ADAMTS18: variants seen among roughly 807,000 people sequenced by gnomAD.
The protein encoded by ADAMTS18 is ADAM metallopeptidase with thrombospondin type 1 motif 18, also known as A disintegrin and metalloproteinase with thrombospondin motifs 18.
In ADAMTS18, 157 loss-of-function variants were observed where a neutral mutation model predicts 165.9. The ratio of observed to expected loss-of-function variants is 0.95; its 90% CI spans 0.83 to 1.08. The LOEUF (loss-of-function observed/expected upper bound fraction) is 1.08, where lower values mean the gene tolerates loss of function less well. ADAMTS18 is among the 50% of genes least tolerant of loss of function. The pLI, the probability that ADAMTS18 is intolerant of heterozygous loss-of-function variation, is 0.00. For missense variants in ADAMTS18, 2,040 were observed against 1,534.0 expected, an observed-to-expected ratio of 1.33 and a Z score of -5.51; for synonymous variants, 782 against 578.2, an observed-to-expected ratio of 1.35 and a Z score of -5.06.
chr16:77,409,478 T>C (rs1025838201), intron 3 of ADAMTS18, among the ~76,000 whole-genome samples: 2 of 152,148 alleles, frequency 1.3e-5, no homozygotes, highest in African/African-American at 4.8e-5. Flanking sequence ...TAAGCTGATA[T>C]GACAGGATAA....
intron 16 of ADAMTS18, among the ~76,000 whole-genome samples, chr16:77,307,737 T>G (rs1168870261): frequency 6.6e-6 from 1 of 152,206 alleles, no homozygotes; most frequent in African/African-American, 2.4e-5. Context: ...GTCTTGTGTC[T>G]TCACTCAGTC....
intron 16 of ADAMTS18, among the ~76,000 whole-genome samples, chr16:77,305,874 C>A (rs1597100734): frequency 6.6e-6 from 1 of 152,296 alleles, no homozygotes; most frequent in East Asian, 1.9e-4. Flanking sequence ...ACATCTTGGG[C>A]AATATGTAAC....
At chr16:77,369,756 C>T (rs2056849943) in intron 3 of ADAMTS18, among the ~76,000 whole-genome samples, 1 of 152,146 alleles carries the variant, frequency 6.6e-6, no homozygotes, top group South Asian at 2.1e-4. Context: ...TGGCCTGCAT[C>T]ACCCTGATAC....
chr16:77,431,853 G>A (rs1182193582), intron 2 of ADAMTS18: 4 of 561,824 alleles, frequency 7.1e-6, no homozygotes, highest in South Asian at 4.1e-5. Context: ...GAATTTCATG[G>A]ATGTCTGTGG....
At position 77,402,183 on chromosome 16, in the gene ADAMTS18, G is replaced by A. The variant is rs560976508; in HGVS notation, c.495+29112C>T. On this transcript the variant is annotated intron_variant, in intron 3 of 22. Transcript: ENST00000282849. ...ATACACTCGGTCTCCTTCTAGAACC[G>A]TTGCAAACACACAGGTATACAAAGA... is the stretch of plus-strand genomic sequence containing the variant. 3.8e-4 allele frequency among the ~76,000 whole-genome samples: 58 copies of A among 152,252 alleles called. 1 individual carries two copies. In the South Asian group the frequency reaches 0.01, roughly 27 times the overall value.
At chr16:77,313,483 GT>G (rs1445437016) in intron 16 of ADAMTS18, among the ~76,000 whole-genome samples, 2 of 108,916 alleles carry the variant, frequency 1.8e-5, no homozygotes, top group African/African-American at 7.0e-5. Flanking sequence ...ATGACTCAAG[GT>G]TTAAAAAAAA....
chr16:77,386,270 C>T (rs2144780645), intron 3 of ADAMTS18, among the ~76,000 whole-genome samples: 1 of 152,300 alleles, frequency 6.6e-6, no homozygotes, highest in East Asian at 1.9e-4. Flanking sequence ...GGCTGACCAC[C>T]AGGCTTAAAG....
At chr16:77,284,892 T>C (rs2055218352) in intron 22 of ADAMTS18, among the ~76,000 whole-genome samples, 1 of 151,792 alleles carries the variant, frequency 6.6e-6, no homozygotes, top group Admixed American at 6.6e-5. Flanking sequence ...GTATTGGGAG[T>C]CAAGCCACCT....
intron 3 of ADAMTS18, among the ~76,000 whole-genome samples, chr16:77,424,667 T>C (rs2057648935): frequency 6.6e-6 from 1 of 152,148 alleles, no homozygotes; most frequent in Admixed American, 6.5e-5. Flanking sequence ...TCACAAATCA[T>C]GTCTGAAGAG....
At chr16:77,404,446 T>C (rs2057369791) in intron 3 of ADAMTS18, among the ~76,000 whole-genome samples, 1 of 152,136 alleles carries the variant, frequency 6.6e-6, no homozygotes, top group South Asian at 2.1e-4. Flanking sequence ...AGTTCTTCTC[T>C]ATAAGTCTGC....
At chr16:77,376,395 T>A (rs1027632522) in intron 3 of ADAMTS18, among the ~76,000 whole-genome samples, 4 of 152,074 alleles carry the variant, frequency 2.6e-5, no homozygotes, top group African/African-American at 4.8e-5. Flanking sequence ...GAGATTTGGG[T>A]GGGGACACAA....
chr16:77,322,237 T>C (rs981156586), intron 14 of ADAMTS18, 99 bp downstream of exon 14: 1 of 1,470,662 alleles, frequency 6.8e-7, no homozygotes, highest in Admixed American at 1.7e-5. Flanking sequence ...CACCTGCTCT[T>C]CTCCAGACAC....
intron 12 of ADAMTS18, among the ~76,000 whole-genome samples, chr16:77,329,297 G>A (rs1172743349): frequency 6.6e-6 from 1 of 152,006 alleles, no homozygotes; most frequent in Non-Finnish European, 1.5e-5. Flanking sequence ...ATACAGATGA[G>A]GGGCTGTGTT....
intron 3 of ADAMTS18, among the ~76,000 whole-genome samples, chr16:77,407,699 T>C (rs1295599057): frequency 6.6e-6 from 1 of 152,090 alleles, no homozygotes; most frequent in Non-Finnish European, 1.5e-5. Flanking sequence ...CTGTAGTGTC[T>C]TTCTGATAAA....
intron 3 of ADAMTS18, among the ~76,000 whole-genome samples, chr16:77,408,836 C>T (rs2057424912): frequency 6.6e-6 from 1 of 152,082 alleles, no homozygotes; most frequent in Non-Finnish European, 1.5e-5. Flanking sequence ...AACAGTTCCT[C>T]CTTAACCACA....
intron 22 of ADAMTS18, among the ~76,000 whole-genome samples, chr16:77,286,402 C>T (rs570704014): frequency 4.1e-4 from 62 of 152,212 alleles, no homozygotes; most frequent in African/African-American, 1.4e-3. Context: ...AGGTGGGAGC[C>T]GTGCCTGTTT....
rs543136319 is a variant in ADAMTS18 at position 77,291,495 on chromosome 16, G to A, written c.3190-17C>T. 14 of 1,612,936 alleles carry A rather than the reference G, an allele frequency of 8.7e-6. No homozygotes were observed. The South Asian group carries it at 1.1e-4, about 13-fold the overall frequency. On this transcript the variant is annotated splice_polypyrimidine_tract_variant and intron_variant, in intron 20 of 22. Coordinates refer to ENST00000282849, the MANE Select transcript of ADAMTS18 (RefSeq NM_199355.4). ...TGCAGAACACTAGGAGCCAAGACAG[G>A]ATGTGTAAAAGTGAAGACTGCCAGG... is the stretch of plus-strand genomic sequence containing the variant.
chr16:77,282,851 T>G lies in ADAMTS18; in HGVS notation c.*1105A>C, dbSNP rs1194602551. 1 of 151,698 alleles carries G rather than the reference T, an allele frequency of 6.6e-6. No homozygotes were observed. The highest frequency in any genetic ancestry group is 2.1e-4 in the South Asian group (1 of 4,780). The allele number at this position is 151,698 out of a possible 1,614,324, so 9.4% of individuals were successfully genotyped here. The stretch of plus-strand genomic sequence containing the variant: ...ATATTATGATTTATTAATATTAACA[T>G]AGCAAGAAGACAGATGGATTTTTTT... On this transcript the variant is annotated 3_prime_UTR_variant, in exon 23 of 23. Coordinates refer to ENST00000282849, the MANE Select transcript of ADAMTS18 (RefSeq NM_199355.4).
At chr16:77,293,375 A>G (rs1294057732) in intron 19 of ADAMTS18, 117 bp from the exon 20 acceptor site, 4 of 924,336 alleles carry the variant, frequency 4.3e-6, no homozygotes, top group South Asian at 1.4e-5. Flanking sequence ...TCCATGAACT[A>G]AAGCTCTTTT....
Sources: allele counts gnomAD v4.1 joint callset (sites outside exome capture counted in the v4.1 genomes callset), GRCh38; gene constraint gnomAD v4.1.1; transcripts MANE v1.5; gene names NCBI Gene and HGNC (gene_info 2026-07-23, HGNC 2026-07-21).